The following ST6GALNAC3 variants were observed in gnomAD, a reference collection of about 807,000 sequenced individuals.
The protein encoded by ST6GALNAC3 is alpha-N-acetylgalactosaminide alpha-2,6-sialyltransferase 3.
ST6GALNAC3 carries 25 observed loss-of-function variants against 32.7 expected under a neutral mutation model. That is an observed-to-expected ratio of 0.76 (90% confidence interval 0.56 to 1.07). The LOEUF (loss-of-function observed/expected upper bound fraction) is 1.07. Among genes scored for constraint, ST6GALNAC3 ranks in the 50% least tolerant of loss-of-function variants. ST6GALNAC3 has a pLI of 0.00. For synonymous variants in ST6GALNAC3, 129 were observed against 133.1 expected (o/e 0.97, Z 0.21); for missense variants, 355 against 382.4 (o/e 0.93, Z 0.60).
chr1:76,269,334 C>T (rs946569151), intron 1 of ST6GALNAC3, among the ~76,000 whole-genome samples: 7 of 152,180 alleles, frequency 4.6e-5, no homozygotes, highest in South Asian at 4.1e-4. Flanking sequence ...TGTTTCCTGA[C>T]GCCAGGCAAG....
chr1:76,239,783 G>A (rs1042372246), intron 1 of ST6GALNAC3, among the ~76,000 whole-genome samples: 1 of 152,128 alleles, frequency 6.6e-6, no homozygotes, highest in African/African-American at 2.4e-5. Flanking sequence ...TGAATTATAT[G>A]GTACGGAAAC....
chr1:76,211,289 G>A (rs1340518008), intron 1 of ST6GALNAC3, among the ~76,000 whole-genome samples: 1 of 152,148 alleles, frequency 6.6e-6, no homozygotes, highest in Non-Finnish European at 1.5e-5. Flanking sequence ...GGAAACAACA[G>A]GTGCTGGAGA....
intron 3 of ST6GALNAC3, among the ~76,000 whole-genome samples, chr1:76,454,561 A>G (rs1571280726): frequency 6.6e-6 from 1 of 152,276 alleles, no homozygotes; most frequent in East Asian, 1.9e-4. Flanking sequence ...CCCAGGATGC[A>G]AAATTCTTGG....
intron 3 of ST6GALNAC3, among the ~76,000 whole-genome samples, chr1:76,429,282 A>G (rs1047332667): frequency 6.6e-6 from 1 of 152,160 alleles, no homozygotes; most frequent in Admixed American, 6.6e-5. Context: ...TCCTATCTGT[A>G]TGATCTAGGT....
intron 3 of ST6GALNAC3, among the ~76,000 whole-genome samples, chr1:76,435,749 T>C (rs1160122761): frequency 6.6e-6 from 1 of 152,192 alleles, no homozygotes; most frequent in South Asian, 2.1e-4. Flanking sequence ...AAATTTGATG[T>C]GTTCATGGTT....
Position 76,619,380 on chromosome 1 carries a change from A to T in ST6GALNAC3, c.624-8072A>T, listed in dbSNP as rs541862999. Among the ~76,000 whole-genome samples, 723 of 152,248 alleles carry T rather than the reference A, an allele frequency of 4.7e-3. 5 individuals carry two copies. Among genetic ancestry groups the T allele is most frequent in the Middle Eastern group, 0.02 (6 of 294 alleles). On this transcript the variant is annotated intron_variant, in intron 3 of 4. Transcript: ENST00000328299. ...ATATGGAGGAAGCCTACTTGGTGGT[A>T]AGTGGAGATTAGATGACTTTGCTCG... is the stretch of plus-strand genomic sequence containing the variant.
At chr1:76,494,429 GTATATATATATATATATATATATATA>G (rs60378565) in intron 3 of ST6GALNAC3, among the ~76,000 whole-genome samples, 17 of 53,420 alleles carry the variant, frequency 3.2e-4, no homozygotes, top group African/African-American at 1.0e-3. Flanking sequence ...GTGTGCATGT[GTATATATATATATATATATATATATA>G]TATATATATA....
rs138355163 is a variant in ST6GALNAC3 at position 76,491,148 on chromosome 1, G to A, written c.623+78731G>A. ...GCTGGGATTACAGGTGTGAGCCACC[G>A]CACCTGGCCAATTTCTTTTCTTTTT... On this transcript the variant is annotated intron_variant, in intron 3 of 4. Coordinates refer to ENST00000328299, the MANE Select transcript of ST6GALNAC3 (RefSeq NM_152996.4). Among the ~76,000 whole-genome samples the A allele has an allele frequency of 1.9e-3, 288 of 152,094 alleles. 1 individual carries two copies. Among genetic ancestry groups the A allele is most frequent in the African/African-American group, 6.7e-3 (276 of 41,490 alleles).
intron 1 of ST6GALNAC3, among the ~76,000 whole-genome samples, chr1:76,226,081 C>T (rs1449081360): frequency 6.6e-6 from 1 of 152,090 alleles, no homozygotes; most frequent in Non-Finnish European, 1.5e-5. Flanking sequence ...TTATGTTTTC[C>T]GTCCAGATAG....
At chr1:76,225,700 A>G (rs1026917329) in intron 1 of ST6GALNAC3, among the ~76,000 whole-genome samples, 9 of 152,150 alleles carry the variant, frequency 5.9e-5, no homozygotes, top group Non-Finnish European at 1.0e-4. Flanking sequence ...AAACTGGGGG[A>G]AATAGTTGGC....
intron 1 of ST6GALNAC3, among the ~76,000 whole-genome samples, chr1:76,130,551 C>T (rs1649544551): frequency 6.6e-6 from 1 of 152,196 alleles, no homozygotes; most frequent in Non-Finnish European, 1.5e-5. Flanking sequence ...GCCACCTGCT[C>T]ATGTAGTTGA....
chr1:76,595,693 AC>A (rs1423591814), intron 3 of ST6GALNAC3, among the ~76,000 whole-genome samples: 1 of 151,264 alleles, frequency 6.6e-6, no homozygotes, highest in Non-Finnish European at 1.5e-5. Context: ...ACACACGCAC[AC>A]ACACACACAC....
chr1:76,482,832 C>T (rs1489567762), intron 3 of ST6GALNAC3, among the ~76,000 whole-genome samples: 1 of 151,682 alleles, frequency 6.6e-6, no homozygotes, highest in African/African-American at 2.4e-5. Flanking sequence ...CCCATTAACT[C>T]ATCATTTACA....
chr1:76,556,647 G>A (rs1249694093), intron 3 of ST6GALNAC3, among the ~76,000 whole-genome samples: 1 of 151,998 alleles, frequency 6.6e-6, no homozygotes, highest in Non-Finnish European at 1.5e-5. Context: ...ATCTTTTCCT[G>A]TACTTACTGA....
At chr1:76,443,686 A>C (rs2101520555) in intron 3 of ST6GALNAC3, among the ~76,000 whole-genome samples, 1 of 152,266 alleles carries the variant, frequency 6.6e-6, no homozygotes, top group South Asian at 2.1e-4. Flanking sequence ...CTTTCTTGAA[A>C]TTTTTCAAGT....
At chr1:76,094,797 TGGTATATG>T (rs1647100822) in intron 1 of ST6GALNAC3, among the ~76,000 whole-genome samples, 1 of 152,216 alleles carries the variant, frequency 6.6e-6, no homozygotes, top group Admixed American at 6.5e-5. Flanking sequence ...TCTCTTCCCT[TGGTATATG>T]GGTGCAATCA....
chr1:76,221,974 A>G (rs1010155205), intron 1 of ST6GALNAC3, among the ~76,000 whole-genome samples: 3 of 152,198 alleles, frequency 2.0e-5, no homozygotes, highest in African/African-American at 7.2e-5. Flanking sequence ...TGTAATGTGA[A>G]TGATGGACAG....
chr1:76,491,786 CA>C (rs1660517900), intron 3 of ST6GALNAC3, among the ~76,000 whole-genome samples: 1 of 152,154 alleles, frequency 6.6e-6, no homozygotes, highest in Non-Finnish European at 1.5e-5. Flanking sequence ...AGAGGGACAT[CA>C]AAGTACAGTT....
chr1:76,563,143 A>G (rs1665343728), intron 3 of ST6GALNAC3, among the ~76,000 whole-genome samples: 2 of 152,216 alleles, frequency 1.3e-5, no homozygotes, highest in Admixed American at 6.5e-5. Flanking sequence ...ACACCACTAA[A>G]GAATAATGCG....
Sources: allele counts gnomAD v4.1 joint callset (sites outside exome capture counted in the v4.1 genomes callset), GRCh38; gene constraint gnomAD v4.1.1; transcripts MANE v1.5; gene names NCBI Gene and HGNC (gene_info 2026-07-23, HGNC 2026-07-21).